Variants in ICOS observed in about 807,000 individuals in gnomAD.
ICOS encodes inducible T-cell costimulator.
ICOS carries 15 observed loss-of-function variants against 24.6 expected under a neutral mutation model. The ratio of observed to expected loss-of-function variants is 0.61; its 90% CI spans 0.41 to 0.94. ICOS has a LOEUF of 0.94. Ranked by LOEUF, ICOS falls within the 40% of genes least tolerant of loss-of-function variation. ICOS has a pLI of 0.00. For synonymous variants in ICOS, 89 were observed against 77.5 expected, an observed-to-expected ratio of 1.15 and a Z score of -0.78; for missense variants, 200 against 233.0, an observed-to-expected ratio of 0.86 and a Z score of 0.92.
intron 2 of ICOS, 98 bp from the exon 3 acceptor site, chr2:203,956,561 A>G: frequency 1.2e-6 from 1 of 855,584 alleles, no homozygotes; most frequent in South Asian, 1.4e-5. Context: ...ACTATAATAA[A>G]GAAAAGCTTC....
At chr2:203,956,080 A>G (rs1293411293) in intron 2 of ICOS, 109 bp downstream of exon 2, 3 of 724,202 alleles carry the variant, frequency 4.1e-6, no homozygotes, top group Admixed American at 4.9e-5. Context: ...GTTGGAGTTC[A>G]CTTAGATGCA....
chr2:203,955,854 T>A lies in ICOS; in HGVS notation c.277T>A (p.Ser93Thr), dbSNP rs1209047569. 6.2e-7 allele frequency: 1 copy of A among 1,613,762 alleles called. No individual in the cohort carries two copies. The highest frequency in any genetic ancestry group is 2.2e-5 in the East Asian group (1 of 44,858). Reference sequence around the variant, plus strand: ...TTCTCAGTTATCCAACAACAGTGTCTCTTTTTTTCTATACAACTTGGACCA... The same window carrying A: ...TTCTCAGTTATCCAACAACAGTGTCACTTTTTTTCTATACAACTTGGACCA... ...CHSQLSNNSV[S>T]FFLYNLDHSH... Residue 93 changes from serine (S) to threonine (T), a missense_variant, in exon 2 of 5, where the codon TCT becomes ACT. Ser to Thr is a moderately conservative substitution (Grantham distance 58, BLOSUM62 1). Coordinates refer to ENST00000316386, the MANE Select transcript of ICOS (RefSeq NM_012092.4).
chr2:203,940,057 C>T (rs1282696899), intron 1 of ICOS, among the ~76,000 whole-genome samples: 2 of 152,016 alleles, frequency 1.3e-5, no homozygotes, highest in African/African-American at 2.4e-5. Context: ...TTTGGAAGGT[C>T]GACTACAGTT....
chr2:203,954,009 C>T (rs1006197657), intron 1 of ICOS, among the ~76,000 whole-genome samples: 2 of 152,006 alleles, frequency 1.3e-5, no homozygotes, highest in African/African-American at 4.8e-5. Context: ...TTTTTTTACA[C>T]TTACATAGTT....
chr2:203,947,978 T>C (rs1689902982), intron 1 of ICOS, among the ~76,000 whole-genome samples: 1 of 152,156 alleles, frequency 6.6e-6, no homozygotes. Flanking sequence ...TGGTCATATA[T>C]TGGGCAAATG....
At chr2:203,952,522 T>A (rs1690003189) in intron 1 of ICOS, among the ~76,000 whole-genome samples, 1 of 152,166 alleles carries the variant, frequency 6.6e-6, no homozygotes, top group Admixed American at 6.5e-5. Context: ...TGCATACTTT[T>A]AAAAAATATG....
intron 3 of ICOS, among the ~76,000 whole-genome samples, 191 bp from the exon 4 acceptor site, chr2:203,957,608 A>G (rs1350677125): frequency 6.6e-6 from 1 of 152,166 alleles, no homozygotes; most frequent in African/African-American, 2.4e-5. Context: ...CGAGGAAGAA[A>G]GTTCAGTAGA....
intron 1 of ICOS, among the ~76,000 whole-genome samples, chr2:203,948,975 G>A (rs936896869): frequency 6.6e-6 from 1 of 152,148 alleles, no homozygotes; most frequent in Non-Finnish European, 1.5e-5. Flanking sequence ...GGGAAACCAG[G>A]GTAAGAACTT....
At position 203,960,166 on chromosome 2, in the gene ICOS, T is replaced by G. The variant is rs971035468; in HGVS notation, c.*567T>G. ...CTCTCCTTCAATTGCTGAACCCCAGTTGACCATTTTACCAAGACTTTAGAT... is the reference window on the plus strand; with the variant it reads ...CTCTCCTTCAATTGCTGAACCCCAGGTGACCATTTTACCAAGACTTTAGAT... On this transcript the variant is annotated 3_prime_UTR_variant, in exon 5 of 5. Transcript: ENST00000316386. 3 of 159,150 alleles carry G rather than the reference T, an allele frequency of 1.9e-5. No homozygotes were observed. The highest frequency in any genetic ancestry group is 4.2e-5 in the Non-Finnish European group (3 of 71,576). The allele number at this position is 159,150 out of a possible 1,614,324, so 9.9% of individuals were successfully genotyped here.
chr2:203,957,744 A>G (rs1486969925), intron 3 of ICOS, 55 bp from the exon 4 acceptor site: 2 of 1,316,068 alleles, frequency 1.5e-6, no homozygotes, highest in African/African-American at 1.4e-5. Context: ...CAGTCAAAAA[A>G]CAAAGAGATG....
At position 203,950,004 on chromosome 2, in the gene ICOS, T is replaced by C. The variant is rs189267012; in HGVS notation, c.59-5632T>C. Among the ~76,000 whole-genome samples the C allele has an allele frequency of 1.5e-3, 227 of 152,346 alleles. 1 individual carries two copies. The highest frequency in any genetic ancestry group is 3.5e-3 in the African/African-American group (145 of 41,574). On this transcript the variant is annotated intron_variant, in intron 1 of 4. Transcript: ENST00000316386. ...TATCCATTAAATGCTTTAGTCATGG[T>C]TATAAGGGGCAGTCTCCTTTAATAC...
Position 203,959,847 on chromosome 2 carries a change from T to C in ICOS, c.*248T>C. Reference sequence around the variant, plus strand: ...CCAGCTTTGGAGAAAGCCCAGCTCCTGTGTGCTCACTGGGAGTGGAATCCC... The same window carrying C: ...CCAGCTTTGGAGAAAGCCCAGCTCCCGTGTGCTCACTGGGAGTGGAATCCC... On this transcript the variant is annotated 3_prime_UTR_variant, in exon 5 of 5. Coordinates refer to ENST00000316386, the MANE Select transcript of ICOS (RefSeq NM_012092.4). 2 of 583,780 alleles carry C rather than the reference T, an allele frequency of 3.4e-6. No homozygotes were observed. Among genetic ancestry groups the C allele is most frequent in the South Asian group, 3.8e-5 (2 of 52,286 alleles). The allele number at this position is 583,780 out of a possible 1,614,324, so 36.2% of individuals were successfully genotyped here. A position where few individuals can be genotyped will look rare whatever the true frequency, so the allele number is the denominator to read the frequency against.
At chr2:203,938,141 A>G (rs889131166) in intron 1 of ICOS, among the ~76,000 whole-genome samples, 8 of 152,222 alleles carry the variant, frequency 5.3e-5, no homozygotes, top group African/African-American at 1.9e-4. Flanking sequence ...AATCCCATTG[A>G]TTAATGATAA....
At chr2:203,956,841 A>G in intron 3 of ICOS, 76 bp downstream of exon 3, 1 of 987,520 alleles carries the variant, frequency 1.0e-6, no homozygotes, top group Non-Finnish European at 1.6e-6. Context: ...AAAAGTACAC[A>G]TGGCTCTTGT....
At chr2:203,955,425 G>A (rs935376967) in intron 1 of ICOS, among the ~76,000 whole-genome samples, 4 of 151,958 alleles carry the variant, frequency 2.6e-5, no homozygotes, top group African/African-American at 9.7e-5. Context: ...CATATGACAA[G>A]CAAGTTTCTG....
chr2:203,949,055 A>G (rs1240481421), intron 1 of ICOS, among the ~76,000 whole-genome samples: 1 of 152,220 alleles, frequency 6.6e-6, no homozygotes, highest in African/African-American at 2.4e-5. Flanking sequence ...CTATTGGATT[A>G]TGCATGTAAG....
intron 1 of ICOS, among the ~76,000 whole-genome samples, chr2:203,942,143 C>G (rs567954650): frequency 4.1e-4 from 62 of 152,220 alleles, no homozygotes; most frequent in African/African-American, 1.4e-3. Flanking sequence ...TTAAAGGTAA[C>G]TTTTTTGAAT....
chr2:203,945,627 T>C (rs961952314), intron 1 of ICOS, among the ~76,000 whole-genome samples: 1 of 152,236 alleles, frequency 6.6e-6, no homozygotes, highest in Non-Finnish European at 1.5e-5. Context: ...AGCATGTTAC[T>C]GTACTGAATA....
At chr2:203,937,171 TG>T (rs1689667135) in intron 1 of ICOS, among the ~76,000 whole-genome samples, 1 of 152,168 alleles carries the variant, frequency 6.6e-6, no homozygotes, top group African/African-American at 2.4e-5. Flanking sequence ...AGTGGCTTAC[TG>T]TTCTTAGAGA....
Sources: allele counts gnomAD v4.1 joint callset (sites outside exome capture counted in the v4.1 genomes callset), GRCh38; gene constraint gnomAD v4.1.1; transcripts MANE v1.5; gene names NCBI Gene and HGNC (gene_info 2026-07-23, HGNC 2026-07-21).